PCDHGA3: variants seen among roughly 807,000 people sequenced by gnomAD.
The protein encoded by PCDHGA3 is protocadherin gamma-A3.
A neutral mutation model predicts 58.5 loss-of-function variants in PCDHGA3; 40 were observed. That is an observed-to-expected ratio of 0.68 (90% CI 0.53 to 0.89). PCDHGA3 has a LOEUF of 0.89. PCDHGA3 is among the 40% of genes least tolerant of loss of function. The probability of loss-of-function intolerance (pLI) is 0.00; values close to 1 mark genes in which losing one functional copy is unlikely to be tolerated. For synonymous variants in PCDHGA3, 530 were observed against 525.7 expected, an observed-to-expected ratio of 1.01 and a Z score of -0.11; for missense variants, 1,223 against 1,195.9, an observed-to-expected ratio of 1.02 and a Z score of -0.33.
At chr5:141,465,757 T>C (rs2099108578) in intron 1 of PCDHGA3, among the ~76,000 whole-genome samples, 1 of 152,046 alleles carries the variant, frequency 6.6e-6, no homozygotes, top group South Asian at 2.1e-4. Context: ...ACTGGTAAAG[T>C]CATGTTTCAT....
intron 1 of PCDHGA3, among the ~76,000 whole-genome samples, chr5:141,454,261 A>T (rs183133499): frequency 1.3e-5 from 2 of 152,364 alleles, no homozygotes; most frequent in South Asian, 2.1e-4. Flanking sequence ...CAGAGAAAGT[A>T]ATGCCAGCAA....
intron 1 of PCDHGA3, chr5:141,366,496 A>T (rs1346215388): frequency 6.2e-7 from 1 of 1,614,218 alleles, no homozygotes; most frequent in East Asian, 2.2e-5. Context: ...GGCACAAGTC[A>T]CGCCTGCTTC....
intron 1 of PCDHGA3, chr5:141,422,019 G>T (rs777239843): frequency 1.9e-6 from 3 of 1,610,862 alleles, no homozygotes; most frequent in Non-Finnish European, 2.5e-6. Context: ...GGGTGCTGAT[G>T]GTTAATGCAA....
intron 2 of PCDHGA3, among the ~76,000 whole-genome samples, chr5:141,502,944 A>G (rs1447378539): frequency 1.4e-5 from 2 of 145,406 alleles, no homozygotes; most frequent in Non-Finnish European, 1.5e-5. Context: ...CCTGGGTTCA[A>G]GCGATTCTCC....
Position 141,494,864 on chromosome 5 carries a change from G to T in PCDHGA3, c.2482G>T (p.Gly828Cys), listed in dbSNP as rs773899530. 12 of 1,613,950 alleles carry T rather than the reference G, an allele frequency of 7.4e-6. No individual in the cohort carries two copies. Among genetic ancestry groups the T allele is most frequent in the South Asian group, 1.1e-5 (1 of 91,080 alleles). ...TCAGGCCCAGAGACCCGGCACCAGC[G>T]GGTAGGTGACTGATTCTCCAGCCCA... Reference protein sequence around the residue: ...FSQAQRPGTSGSQNGDDTGTW... With the variant: ...FSQAQRPGTSCSQNGDDTGTW... Residue 828 changes from glycine to cysteine, a missense_variant and splice_region_variant, in exon 2 of 4, where the codon GGC becomes TGC. Physicochemically the swap from Gly to Cys is radical, Grantham distance 159 (BLOSUM62 -3). Around this residue, in one of 3 missense-constraint regions of PCDHGA3, gnomAD observed 325 missense variants for 327.5 expected, o/e 0.99. Coordinates refer to ENST00000253812, the MANE Select transcript of PCDHGA3 (RefSeq NM_018916.4).
rs2099605934 is a variant in PCDHGA3, at chr5:141,485,057, C to G, written c.2425-9750C>G. On this transcript the variant is annotated intron_variant, in intron 1 of 3. Transcript: ENST00000253812. The surrounding 1 kb of genome is among the most constrained non-coding windows in gnomAD (Gnocchi z 5.7). ...GTAACCCTTGCGGCGCCGGCCGAAC[C>G]GCGCCAGAGCTGGCGCGGGGAAAGG... The G allele has an allele frequency of 1.2e-6, 1 of 843,720 alleles. No homozygotes were observed. Among genetic ancestry groups the G allele is most frequent in the Non-Finnish European group, 1.9e-6 (1 of 524,586 alleles). 52.3% of individuals were successfully genotyped at this position (843,720 alleles called of 1,614,324 possible).
intron 1 of PCDHGA3, chr5:141,420,410 A>G (rs2096494809): frequency 2.4e-6 from 3 of 1,236,296 alleles, no homozygotes; most frequent in South Asian, 4.4e-5. Flanking sequence ...TATGGTTATC[A>G]TTATTAAAAC....
chr5:141,388,773 G>C, intron 1 of PCDHGA3: 4 of 1,613,808 alleles, frequency 2.5e-6, no homozygotes, highest in Non-Finnish European at 3.4e-6. Context: ...CTCTAACACC[G>C]GGGAAATTAC....
At position 141,404,862 on chromosome 5, in the gene PCDHGA3, C is replaced by T. The variant is rs377687399; in HGVS notation, c.2424+58405C>T. ...GCTCGGGCCCTGCTAGATAGAGATG[C>T]GCTCAAACAGAGCCTTGTGGTGGCT... On this transcript the variant is annotated intron_variant, in intron 1 of 3. Coordinates refer to ENST00000253812, the MANE Select transcript of PCDHGA3 (RefSeq NM_018916.4). The T allele has an allele frequency of 2.3e-5, 37 of 1,613,730 alleles. No individual in the cohort carries two copies. The African/African-American group carries it at 2.8e-4, about 12-fold the overall frequency.
chr5:141,473,147 T>A (rs2099315103), intron 1 of PCDHGA3, among the ~76,000 whole-genome samples: 1 of 152,222 alleles, frequency 6.6e-6, no homozygotes, highest in Admixed American at 6.5e-5. Flanking sequence ...TCTCTTCAGA[T>A]CACTAGGGCT....
rs770484303 is a variant in PCDHGA3, at chr5:141,346,017, G to A, written c.1984G>A (p.Val662Met). The change falls in exon 1 of 4, where the codon GTG becomes ATG. Residue 662 changes from valine (V) to methionine (M), a missense_variant. Transcript: ENST00000253812. ...TCTCTCCGCCACTGTCACGCTCACC[G>A]TGGCCGTGGCCGACAGGATCCCCGA... is the stretch of plus-strand genomic sequence containing the variant. Reference protein sequence around the residue: ...PPLSATVTLTVAVADRIPDIL... With the variant: ...PPLSATVTLTMAVADRIPDIL... The A allele has an allele frequency of 1.2e-6, 2 of 1,613,436 alleles. No homozygotes were observed. Among genetic ancestry groups the A allele is most frequent in the Non-Finnish European group, 1.7e-6 (2 of 1,179,814 alleles).
chr5:141,420,252 C>G (rs745697672), intron 1 of PCDHGA3: 2 of 1,576,604 alleles, frequency 1.3e-6, no homozygotes, highest in Non-Finnish European at 1.7e-6. Flanking sequence ...AGCGTTGAAG[C>G]AGATAAGAAG....
At chr5:141,395,196 G>T (rs1431851304) in intron 1 of PCDHGA3, 1 of 1,613,948 alleles carries the variant, frequency 6.2e-7, no homozygotes, top group Non-Finnish European at 8.5e-7. Context: ...GTTAACATCC[G>T]TAGATTTTCA....
At chr5:141,360,924 A>G (rs1475518154) in intron 1 of PCDHGA3, 3 of 1,614,006 alleles carry the variant, frequency 1.9e-6, no homozygotes, top group South Asian at 2.2e-5. Flanking sequence ...TTGTGCTTCA[A>G]GTGACAGCCA....
rs768847018 is a variant in PCDHGA3 at position 141,431,426 on chromosome 5, A to C, written c.2425-63381A>C. On this transcript the variant is annotated intron_variant, in intron 1 of 3. Transcript: ENST00000253812. The surrounding 1 kb of genome is among the most constrained non-coding windows in gnomAD (Gnocchi z 4.8). ...CTCCGACGGGGGCGACCCGGTGCGCACAGGCACCGCGCGCATCCGCGTGAT... is the reference window on the plus strand; with the variant it reads ...CTCCGACGGGGGCGACCCGGTGCGCCCAGGCACCGCGCGCATCCGCGTGAT... 6.2e-7 allele frequency: 1 copy of C among 1,613,666 alleles called. No individual in the cohort carries two copies. The highest frequency in any genetic ancestry group is 1.1e-5 in the South Asian group (1 of 91,078).
Position 141,511,429 on chromosome 5 carries a change from G to A in PCDHGA3, c.*256G>A, listed in dbSNP as rs1414641314. 1.3e-6 allele frequency: 1 copy of A among 769,620 alleles called. No individual in the cohort carries two copies. The highest frequency in any genetic ancestry group is 2.0e-6 in the Non-Finnish European group (1 of 505,154). The allele number at this position is 769,620 out of a possible 1,614,324, so 47.7% of individuals were successfully genotyped here. On this transcript the variant is annotated 3_prime_UTR_variant, in exon 4 of 4. Transcript: ENST00000253812. The stretch of plus-strand genomic sequence containing the variant: ...CTGCTGTACCCATGGGGGTAGTGGG[G>A]TTACTGTAGACACCAAGAACCATTT...
rs1423639578 is a variant in PCDHGA3, at chr5:141,383,107, G to T, written c.2424+36650G>T. The T allele has an allele frequency of 3.1e-6, 5 of 1,613,914 alleles. No individual in the cohort carries two copies. In the East Asian group the frequency reaches 6.7e-5, roughly 22 times the overall value. Reference sequence around the variant, plus strand: ...GCGCGGAGTCCGCATCATCTCCAGAGGTAGGACGCAGCTTTTCGCCCTGAA... The same window carrying T: ...GCGCGGAGTCCGCATCATCTCCAGATGTAGGACGCAGCTTTTCGCCCTGAA... On this transcript the variant is annotated intron_variant, in intron 1 of 3. Coordinates refer to ENST00000253812, the MANE Select transcript of PCDHGA3 (RefSeq NM_018916.4).
intron 1 of PCDHGA3, chr5:141,405,534 C>T: frequency 3.1e-6 from 2 of 648,486 alleles, no homozygotes; most frequent in Non-Finnish European, 5.3e-6. Flanking sequence ...ATTCTCCTGC[C>T]TCAGCCTCCC....
At chr5:141,403,738 T>G in intron 1 of PCDHGA3, 3 of 1,613,930 alleles carry the variant, frequency 1.9e-6, no homozygotes, top group Admixed American at 3.3e-5. Context: ...CCTGGCTGCT[T>G]ACTGCAACAG....
Sources: allele counts gnomAD v4.1 joint callset (sites outside exome capture counted in the v4.1 genomes callset), GRCh38; gene constraint gnomAD v4.1.1; regional missense constraint gnomAD v4.1.1; non-coding constraint Gnocchi (gnomAD v3.1); transcripts MANE v1.5; gene names NCBI Gene and HGNC (gene_info 2026-07-23, HGNC 2026-07-21).